PSTPIP2: variants seen among roughly 807,000 people sequenced by gnomAD.
PSTPIP2 encodes the protein proline-serine-threonine phosphatase interacting protein 2, also known as proline-serine-threonine phosphatase-interacting protein 2.
A neutral mutation model predicts 63.3 loss-of-function variants in PSTPIP2; 33 were observed. That is an observed-to-expected ratio of 0.52 (90% CI 0.40 to 0.70). PSTPIP2 has a LOEUF of 0.70. Among genes scored for constraint, PSTPIP2 ranks in the 30% least tolerant of loss-of-function variants. The pLI, the probability that PSTPIP2 is intolerant of heterozygous loss-of-function variation, is 0.00. For missense variants in PSTPIP2, 312 were observed against 400.7 expected, an observed-to-expected ratio of 0.78 and a Z score of 1.89; for synonymous variants, 125 against 132.7, an observed-to-expected ratio of 0.94 and a Z score of 0.40.
intron 12 of PSTPIP2, 23 bp from the exon 13 acceptor site, chr18:45,990,779 T>A: frequency 6.4e-7 from 1 of 1,566,820 alleles, no homozygotes; most frequent in East Asian, 2.2e-5. Context: ...AAAACCAAAG[T>A]ATTTTAGATA....
At chr18:46,006,844 G>T (rs191076349) in intron 5 of PSTPIP2, among the ~76,000 whole-genome samples, 1 of 152,150 alleles carries the variant, frequency 6.6e-6, no homozygotes, top group African/African-American at 2.4e-5. Context: ...GCACTTACGC[G>T]CTAAGCAGTT....
At chr18:46,071,232 G>A (rs559809240) in intron 1 of PSTPIP2, among the ~76,000 whole-genome samples, 1 of 152,126 alleles carries the variant, frequency 6.6e-6, no homozygotes, top group Admixed American at 6.5e-5. Flanking sequence ...GGTGGGTGGT[G>A]GGGGGAGGCA....
chr18:46,054,437 CATT>C (rs1227358896), intron 1 of PSTPIP2, among the ~76,000 whole-genome samples: 3 of 152,130 alleles, frequency 2.0e-5, no homozygotes, highest in African/African-American at 7.2e-5. Context: ...GGATATATGA[CATT>C]ATTCATTTGT....
intron 1 of PSTPIP2, among the ~76,000 whole-genome samples, chr18:46,068,795 A>T (rs574055604): frequency 1.3e-5 from 2 of 152,334 alleles, no homozygotes; most frequent in East Asian, 3.9e-4. Context: ...TACAGATACC[A>T]AGAGATGACT....
At chr18:46,066,901 C>T (rs1391753057) in intron 1 of PSTPIP2, among the ~76,000 whole-genome samples, 1 of 152,024 alleles carries the variant, frequency 6.6e-6, no homozygotes, top group African/African-American at 2.4e-5. Flanking sequence ...GTGGCGCATG[C>T]CTGTAATCCC....
chr18:46,028,210 C>A, intron 2 of PSTPIP2: 1 of 359,512 alleles, frequency 2.8e-6, no homozygotes, highest in South Asian at 2.3e-5. Flanking sequence ...CGAGCGCCTG[C>A]GTTTCTCCTC....
chr18:46,045,841 A>G (rs1033154701), intron 1 of PSTPIP2, among the ~76,000 whole-genome samples: 4 of 152,206 alleles, frequency 2.6e-5, no homozygotes, highest in Non-Finnish European at 5.9e-5. Context: ...CCAGCTCCTC[A>G]GGAGGCTGAA....
chr18:46,019,571 C>T (rs1382169915), intron 3 of PSTPIP2, among the ~76,000 whole-genome samples: 2 of 152,068 alleles, frequency 1.3e-5, no homozygotes, highest in Non-Finnish European at 1.5e-5. Flanking sequence ...GAGGCCAAGG[C>T]GGGAGGATCA....
chr18:46,063,950 A>T (rs879530922), intron 1 of PSTPIP2, among the ~76,000 whole-genome samples: 2 of 152,194 alleles, frequency 1.3e-5, no homozygotes, highest in African/African-American at 2.4e-5. Context: ...AAGTTTTTCA[A>T]TGTCCTTCTG....
rs148023886 is a variant in PSTPIP2 at position 46,045,564 on chromosome 18, T to G, written c.34-5517A>C. On this transcript the variant is annotated intron_variant, in intron 1 of 14. Transcript: ENST00000409746. ...TTTAGGAGATATACCTAATGCTAAA[T>G]GATGAGTTAATAGGTGCAGCACACC... Among the ~76,000 whole-genome samples the G allele has an allele frequency of 1.6e-3, 249 of 152,182 alleles. 1 individual carries two copies. The highest frequency in any genetic ancestry group is 5.6e-3 in the African/African-American group (232 of 41,502).
chr18:46,064,282 CTTTTTT>C (rs56236802), intron 1 of PSTPIP2, among the ~76,000 whole-genome samples: 5 of 71,524 alleles, frequency 7.0e-5, no homozygotes, highest in Middle Eastern at 0.014. Context: ...CTTTTTCTTT[CTTTTTT>C]TTTTTTTTTT....
chr18:46,067,473 A>G (rs1487494007), intron 1 of PSTPIP2, among the ~76,000 whole-genome samples: 1 of 147,360 alleles, frequency 6.8e-6, no homozygotes, highest in African/African-American at 2.5e-5. Context: ...ACTGGACTCC[A>G]GCCTGGGCAA....
intron 1 of PSTPIP2, among the ~76,000 whole-genome samples, chr18:46,052,360 T>A (rs1446340771): frequency 1.3e-5 from 2 of 152,174 alleles, no homozygotes; most frequent in Non-Finnish European, 2.9e-5. Flanking sequence ...ATTTTGAAGG[T>A]CTTTGATCTC....
intron 6 of PSTPIP2, among the ~76,000 whole-genome samples, chr18:46,003,585 T>A (rs1011950567): frequency 7.2e-5 from 11 of 152,172 alleles, no homozygotes; most frequent in South Asian, 4.1e-4. Flanking sequence ...TTATTTTTTT[T>A]ATTTTTTTAA....
chr18:46,011,363 A>T, intron 4 of PSTPIP2, 76 bp from the exon 5 acceptor site: 1 of 1,157,366 alleles, frequency 8.6e-7, no homozygotes, highest in Non-Finnish European at 1.2e-6. Flanking sequence ...TACAAAATAA[A>T]TATGTATATA....
At chr18:46,016,276 A>T (rs546995202) in intron 3 of PSTPIP2, 1 of 225,790 alleles carries the variant, frequency 4.4e-6, no homozygotes, top group Admixed American at 5.0e-5. Flanking sequence ...AGGCAGGAGA[A>T]TCACTTGAAC....
chr18:46,037,703 C>T (rs1202258039), intron 2 of PSTPIP2, among the ~76,000 whole-genome samples: 1 of 152,132 alleles, frequency 6.6e-6, no homozygotes, highest in Non-Finnish European at 1.5e-5. Flanking sequence ...TGCAAGCGTG[C>T]CACCAGGAAC....
chr18:46,021,383 C>A lies in PSTPIP2; in HGVS notation c.212+3226G>T, dbSNP rs199871583. Reference sequence around the variant, plus strand: ...TATTTAGAAGTTTTATTGTTAGTAGCAATATTGATATTATTTTAAAACAAT... The same window carrying A: ...TATTTAGAAGTTTTATTGTTAGTAGAAATATTGATATTATTTTAAAACAAT... On this transcript the variant is annotated intron_variant, in intron 3 of 14. Coordinates refer to ENST00000409746, the MANE Select transcript of PSTPIP2 (RefSeq NM_024430.4). Among the ~76,000 whole-genome samples, 14 of 149,732 alleles carry A rather than the reference C, an allele frequency of 9.4e-5. No individual in the cohort carries two copies. The East Asian group carries it at 1.2e-3, about 13-fold the overall frequency.
At chr18:46,063,607 T>C (rs2144134713) in intron 1 of PSTPIP2, among the ~76,000 whole-genome samples, 1 of 139,412 alleles carries the variant, frequency 7.2e-6, no homozygotes, top group East Asian at 2.0e-4. Context: ...TGTTAGAACA[T>C]GTGAATTACA....
Sources: gnomAD v4.1 joint callset for allele counts (sites outside exome capture counted in the v4.1 genomes callset) on GRCh38, gnomAD v4.1.1 for gene constraint, MANE v1.5 for transcripts, NCBI Gene and HGNC (gene_info 2026-07-23, HGNC 2026-07-21) for gene names.